Variants in AGPAT5 observed in about 807,000 individuals in gnomAD.
AGPAT5 encodes 1-acyl-sn-glycerol-3-phosphate acyltransferase epsilon.
AGPAT5 carries 46 observed loss-of-function variants against 45.6 expected under a neutral mutation model. The ratio of observed to expected loss-of-function variants is 1.01; its 90% CI spans 0.80 to 1.29. The LOEUF is 1.29. Ranked by LOEUF, AGPAT5 falls within the 50% of genes most tolerant of loss-of-function variation. The pLI, the probability that AGPAT5 is intolerant of heterozygous loss-of-function variation, is 0.00. For missense variants in AGPAT5, 673 were observed against 450.7 expected (o/e 1.49, Z -4.47); for synonymous variants, 272 against 167.0 (o/e 1.63, Z -4.85).
chr8:6,714,581 A>C (rs1218240307), intron 1 of AGPAT5, among the ~76,000 whole-genome samples: 1 of 152,224 alleles, frequency 6.6e-6, no homozygotes, highest in Non-Finnish European at 1.5e-5. Context: ...TATACATTCA[A>C]ACACTGCCAC....
intron 1 of AGPAT5, among the ~76,000 whole-genome samples, chr8:6,713,374 C>G (rs1233915788): frequency 6.6e-6 from 1 of 152,154 alleles, no homozygotes; most frequent in Non-Finnish European, 1.5e-5. Context: ...ACTGCTAATT[C>G]CCCCTTCTCC....
intron 1 of AGPAT5, 48 bp downstream of exon 1, chr8:6,708,935 G>A: frequency 6.4e-7 from 1 of 1,551,314 alleles, no homozygotes; most frequent in South Asian, 1.2e-5. Context: ...CGAGCTCCCG[G>A]GGGCGCGGAC....
In AGPAT5 at chr8:6,761,198, T is replaced by C. The variant is rs959704789; in HGVS notation, c.*3810T>C. Among the ~76,000 whole-genome samples the C allele has an allele frequency of 1.3e-5, 2 of 152,188 alleles. No individual in the cohort carries two copies. Among genetic ancestry groups the C allele is most frequent in the African/African-American group, 4.8e-5 (2 of 41,438 alleles). On this transcript the variant is annotated 3_prime_UTR_variant, in exon 8 of 8. Coordinates refer to ENST00000285518, the MANE Select transcript of AGPAT5 (RefSeq NM_018361.5). ...TTCTAATATACTGAGGGAAGTATAA[T>C]ATGTGGAACAAACTCTCAACAAAAT...
intron 4 of AGPAT5, chr8:6,738,650 A>T (rs1488296559): frequency 6.6e-6 from 1 of 152,252 alleles, no homozygotes; most frequent in Non-Finnish European, 1.5e-5. Flanking sequence ...CGTGAAGCTC[A>T]GTAAAGCGAA....
At chr8:6,738,408 A>G (rs953324506) in intron 4 of AGPAT5, 12 of 152,250 alleles carry the variant, frequency 7.9e-5, no homozygotes, top group African/African-American at 2.7e-4. Flanking sequence ...ACATTTATCA[A>G]TTAAATTTGT....
rs901448808 is a variant in AGPAT5 at position 6,760,797 on chromosome 8, CTATG to C, written c.*3412_*3415del. 2.6e-5 allele frequency among the ~76,000 whole-genome samples: 4 copies of C among 152,154 alleles called. No homozygotes were observed. Among genetic ancestry groups the C allele is most frequent in the Admixed American group, 6.5e-5 (1 of 15,280 alleles). ...TAGTATAATTGACATTATATAGAGA[CTATG>C]TAACATGCAATCATTAGAATCAAAA... is the stretch of plus-strand genomic sequence containing the variant. On this transcript the variant is annotated 3_prime_UTR_variant, in exon 8 of 8. Transcript: ENST00000285518.
In AGPAT5 at chr8:6,724,863, C is replaced by G. The variant is rs1305543780; in HGVS notation, c.220-7C>G. 2.1e-6 allele frequency: 2 copies of G among 931,692 alleles called. No individual in the cohort carries two copies. Among genetic ancestry groups the G allele is most frequent in the Non-Finnish European group, 3.0e-6 (2 of 675,402 alleles). The allele number at this position is 931,692 out of a possible 1,614,324, so 57.7% of individuals were successfully genotyped here. ...TCAAAGTAATGTTTTTTTGTTTTAT[C>G]TTTTAGATATTGCTATATGGAGATT... is the stretch of plus-strand genomic sequence containing the variant. On this transcript the variant is annotated splice_region_variant and splice_polypyrimidine_tract_variant and intron_variant, in intron 1 of 7. Transcript: ENST00000285518.
chr8:6,719,626 A>T (rs899287165), intron 1 of AGPAT5, among the ~76,000 whole-genome samples: 1 of 152,220 alleles, frequency 6.6e-6, no homozygotes, highest in Admixed American at 6.5e-5. Context: ...TTCGGGAATC[A>T]TCACTATTAC....
rs75019720 is a variant in AGPAT5 at position 6,728,900 on chromosome 8, A to G, written c.290-1811A>G. Among the ~76,000 whole-genome samples the G allele has an allele frequency of 3.2e-3, 493 of 152,304 alleles. 3 individuals are homozygous for G. Among genetic ancestry groups the G allele is most frequent in the African/African-American group, 0.011 (470 of 41,570 alleles). ...GGCTAGGGAGAGGGCTTCAACAGGA[A>G]TTTATATACTTTAGAGAAAAGTGAT... On this transcript the variant is annotated intron_variant, in intron 2 of 7. Transcript: ENST00000285518.
intron 1 of AGPAT5, among the ~76,000 whole-genome samples, chr8:6,717,183 C>A (rs1427409604): frequency 6.6e-6 from 1 of 152,160 alleles, no homozygotes; most frequent in Non-Finnish European, 1.5e-5. Context: ...AATTTTTGAG[C>A]CTATGCAATT....
intron 1 of AGPAT5, among the ~76,000 whole-genome samples, chr8:6,711,373 G>T (rs186531913): frequency 6.6e-6 from 1 of 152,304 alleles, no homozygotes; most frequent in African/African-American, 2.4e-5. Flanking sequence ...ATTTCAGTCA[G>T]TGCTGCTAAA....
rs76918432 is a variant in AGPAT5 at position 6,724,251 on chromosome 8, C to T, written c.220-619C>T. Among the ~76,000 whole-genome samples the T allele has an allele frequency of 5.6e-4, 85 of 152,284 alleles. No individual in the cohort carries two copies. The East Asian group carries it at 0.013, about 23-fold the overall frequency. ...CAGTTCAGAGCCACCCTTCTGGTCT[C>T]CTTGCTCCTCAGCCGCGACACTGCC... On this transcript the variant is annotated intron_variant, in intron 1 of 7. Transcript: ENST00000285518.
At chr8:6,719,352 G>T (rs945000379) in intron 1 of AGPAT5, among the ~76,000 whole-genome samples, 3 of 152,192 alleles carry the variant, frequency 2.0e-5, no homozygotes, top group African/African-American at 7.2e-5. Flanking sequence ...GGATCCTCAA[G>T]TAAGCCATTG....
intron 5 of AGPAT5, among the ~76,000 whole-genome samples, chr8:6,746,681 C>T (rs1801478076): frequency 6.6e-6 from 1 of 152,210 alleles, no homozygotes; most frequent in African/African-American, 2.4e-5. Context: ...GTCTTTCCCA[C>T]ACCACCCTGC....
chr8:6,731,887 T>C (rs1800877255), intron 3 of AGPAT5, among the ~76,000 whole-genome samples: 1 of 152,256 alleles, frequency 6.6e-6, no homozygotes, highest in Non-Finnish European at 1.5e-5. Context: ...TCTTCCTGTG[T>C]CCTCAGGTGG....
intron 1 of AGPAT5, among the ~76,000 whole-genome samples, chr8:6,723,627 C>G (rs1316682571): frequency 6.6e-6 from 1 of 152,208 alleles, no homozygotes; most frequent in Non-Finnish European, 1.5e-5. Flanking sequence ...ACTTTTAACT[C>G]TGAACAGATC....
intron 1 of AGPAT5, chr8:6,709,309 A>G (rs376046201): frequency 4.9e-6 from 1 of 203,646 alleles, no homozygotes; most frequent in South Asian, 6.8e-5. Flanking sequence ...ACAGAAGTAC[A>G]ATTCGGTCTT....
chr8:6,728,522 G>A (rs1215825687), intron 2 of AGPAT5, among the ~76,000 whole-genome samples: 1 of 152,160 alleles, frequency 6.6e-6, no homozygotes, highest in Admixed American at 6.5e-5. Flanking sequence ...GATGTATTTT[G>A]GAAATCTTAC....
intron 7 of AGPAT5, 45 bp from the exon 8 acceptor site, chr8:6,757,118 A>G: frequency 3.4e-6 from 5 of 1,464,414 alleles, no homozygotes; most frequent in Non-Finnish European, 4.7e-6. Context: ...TTGAATTGAA[A>G]TACTGAAGTG....
Sources: gnomAD v4.1 joint callset for allele counts (sites outside exome capture counted in the v4.1 genomes callset) on GRCh38, gnomAD v4.1.1 for gene constraint, MANE v1.5 for transcripts, NCBI Gene and HGNC (gene_info 2026-07-23, HGNC 2026-07-21) for gene names.